The following TAGLN3 variants were observed in gnomAD, a reference collection of about 807,000 sequenced individuals.
TAGLN3 encodes the protein transgelin-3.
A neutral mutation model predicts 25.4 loss-of-function variants in TAGLN3; 12 were observed. That is an observed-to-expected ratio of 0.47 (90% confidence interval 0.30 to 0.77). The LOEUF (loss-of-function observed/expected upper bound fraction) is 0.77, where lower values mean the gene tolerates loss of function less well. Among genes scored for constraint, TAGLN3 ranks in the 30% least tolerant of loss-of-function variants. TAGLN3 has a pLI of 0.06. For missense variants in TAGLN3, 218 were observed against 255.8 expected (o/e 0.85, Z 1.01); for synonymous variants, 96 against 94.8 (o/e 1.01, Z -0.08).
chr3:112,010,971 A>G (rs186773182), intron 3 of TAGLN3, among the ~76,000 whole-genome samples: 16 of 152,286 alleles, frequency 1.1e-4, no homozygotes, highest in African/African-American at 3.6e-4. Flanking sequence ...GAGAGCCTTA[A>G]TATTTGCCCT....
chr3:112,005,097 G>A (rs1286654922), intron 3 of TAGLN3, among the ~76,000 whole-genome samples: 3 of 152,112 alleles, frequency 2.0e-5, no homozygotes, highest in Non-Finnish European at 4.4e-5. Flanking sequence ...AGGTGGATGG[G>A]TTCAAATCTC....
Position 112,013,799 on chromosome 3 carries a change from ATTATTTATTTAT to A in TAGLN3, c.*263_*274del, listed in dbSNP as rs112929808. On this transcript the variant is annotated 3_prime_UTR_variant, in exon 5 of 5. Transcript: ENST00000478951. ...CCTCGGGCCCCAGAGTCTCTGTTTGATTATTTATTTATTTATTTATTTATTTGCCAAAAATTC... is the reference window on the plus strand; with the variant it reads ...CCTCGGGCCCCAGAGTCTCTGTTTGATTATTTATTTATTTGCCAAAAATTC... 3.9e-6 allele frequency: 2 copies of A among 511,206 alleles called. No individual in the cohort carries two copies. The highest frequency in any genetic ancestry group is 3.2e-5 in the Admixed American group (1 of 30,944). 31.7% of individuals were successfully genotyped at this position (511,206 alleles called of 1,614,324 possible). A position where few individuals can be genotyped will look rare whatever the true frequency, so the allele number is the denominator to read the frequency against.
intron 3 of TAGLN3, among the ~76,000 whole-genome samples, chr3:112,004,740 G>C (rs975459439): frequency 8.5e-5 from 13 of 152,102 alleles, no homozygotes; most frequent in Non-Finnish European, 1.6e-4. Context: ...ATTGTCATTG[G>C]CTTGTCTTTT....
Sources: allele counts gnomAD v4.1 joint callset (sites outside exome capture counted in the v4.1 genomes callset), GRCh38; gene constraint gnomAD v4.1.1; transcripts MANE v1.5; gene names NCBI Gene and HGNC (gene_info 2026-07-23, HGNC 2026-07-21).